ATP2B2: variants seen among roughly 807,000 people sequenced by gnomAD.
The protein encoded by ATP2B2 is ATPase plasma membrane Ca2+ transporting 2, also known as plasma membrane calcium-transporting ATPase 2.
Under a neutral mutation model 120.0 loss-of-function variants are expected in ATP2B2, and 15 were observed. The observed-to-expected ratio is 0.12, with a 90% CI of 0.08 to 0.19. ATP2B2 has a LOEUF of 0.19. Among genes scored for constraint, ATP2B2 ranks in the 10% least tolerant of loss-of-function variants. The probability of loss-of-function intolerance (pLI) is 1.00; values close to 1 mark genes in which losing one functional copy is unlikely to be tolerated. For missense variants in ATP2B2, 1,045 were observed against 1,719.8 expected (o/e 0.61, Z 6.94); for synonymous variants, 694 against 700.3 (o/e 0.99, Z 0.14).
intron 1 of ATP2B2, among the ~76,000 whole-genome samples, chr3:10,473,997 T>C (rs1442429491): frequency 6.6e-6 from 1 of 152,170 alleles, no homozygotes; most frequent in Non-Finnish European, 1.5e-5. Flanking sequence ...TGTCATGCAT[T>C]GGAGAATGGA....
At chr3:10,444,827 A>G (rs1270642760) in intron 2 of ATP2B2, among the ~76,000 whole-genome samples, 1 of 152,238 alleles carries the variant, frequency 6.6e-6, no homozygotes, top group Non-Finnish European at 1.5e-5. Context: ...TCTGTCCCCA[A>G]GCCTGCAGCC....
chr3:10,532,049 C>T (rs2067220857), intron 3 of ATP2B2, among the ~76,000 whole-genome samples: 2 of 151,748 alleles, frequency 1.3e-5, no homozygotes, highest in African/African-American at 4.8e-5. Flanking sequence ...TGCCCCTCAC[C>T]CCCCCATCCT....
intron 3 of ATP2B2, among the ~76,000 whole-genome samples, chr3:10,522,112 T>C (rs2066995721): frequency 6.6e-6 from 1 of 152,108 alleles, no homozygotes; most frequent in Non-Finnish European, 1.5e-5. Context: ...AATGTAAATT[T>C]TTATTTTTAA....
intron 22 of ATP2B2, chr3:10,336,126 C>A: frequency 1.3e-6 from 2 of 1,550,304 alleles, no homozygotes; most frequent in Non-Finnish European, 1.7e-6. Flanking sequence ...GAGTCACACT[C>A]ACGCCCGGCT....
Position 10,379,389 on chromosome 3 carries a change from G to A in ATP2B2, c.1001-105C>T, listed in dbSNP as rs947908865. 4.5e-5 allele frequency: 58 copies of A among 1,300,434 alleles called. 2 individuals are homozygous for A. Among genetic ancestry groups the A allele is most frequent in the South Asian group, 3.9e-4 (32 of 82,034 alleles). The allele number at this position is 1,300,434 out of a possible 1,614,324, so 80.6% of individuals were successfully genotyped here. On this transcript the variant is annotated intron_variant, in intron 8 of 22. Transcript: ENST00000360273. ...GACATTAATGTCACAGATGAAGGGC[G>A]GGCCGTGCTGACTGCATCCCTCTGT... is the stretch of plus-strand genomic sequence containing the variant.
In ATP2B2 at chr3:10,328,656, G is replaced by C. The variant is rs1197439261; in HGVS notation, c.*158C>G. 8.3e-6 allele frequency: 6 copies of C among 725,100 alleles called. No homozygotes were observed. Among genetic ancestry groups the C allele is most frequent in the Non-Finnish European group, 4.4e-6 (2 of 450,492 alleles). The allele number at this position is 725,100 out of a possible 1,614,324, so 44.9% of individuals were successfully genotyped here. A position where few individuals can be genotyped will look rare whatever the true frequency, so the allele number is the denominator to read the frequency against. ...CAAACAGCATCGCAGCCAGAGAAAG[G>C]GTCTGTGGGTGGAAACGTTGGTTTT... On this transcript the variant is annotated 3_prime_UTR_variant, in exon 23 of 23. Coordinates refer to ENST00000360273, the MANE Select transcript of ATP2B2 (RefSeq NM_001001331.4).
intron 2 of ATP2B2, among the ~76,000 whole-genome samples, chr3:10,420,478 C>T (rs368625435): frequency 9.2e-5 from 14 of 152,242 alleles, no homozygotes; most frequent in African/African-American, 2.4e-4. Context: ...TCTCCTGCCT[C>T]GGCCCCCCGA....
At chr3:10,442,301 A>G (rs1378287293) in intron 2 of ATP2B2, among the ~76,000 whole-genome samples, 1 of 152,132 alleles carries the variant, frequency 6.6e-6, no homozygotes, top group Admixed American at 6.5e-5. Context: ...GCCAAGCAGC[A>G]TCGCTCACGG....
chr3:10,625,548 G>A (rs546082596), intron 1 of ATP2B2, among the ~76,000 whole-genome samples: 12 of 152,344 alleles, frequency 7.9e-5, no homozygotes, highest in South Asian at 4.1e-4. Context: ...ACAGAATCCG[G>A]ATCATGGCTT....
At chr3:10,704,140 C>T (rs931577679) in intron 1 of ATP2B2, among the ~76,000 whole-genome samples, 4 of 152,194 alleles carry the variant, frequency 2.6e-5, no homozygotes, top group Non-Finnish European at 4.4e-5. Flanking sequence ...TTAGGAATCT[C>T]AAGTAAAATT....
chr3:10,698,312 G>A (rs2071769570), intron 1 of ATP2B2, among the ~76,000 whole-genome samples: 1 of 152,182 alleles, frequency 6.6e-6, no homozygotes, highest in Non-Finnish European at 1.5e-5. Flanking sequence ...CTCTGGACAG[G>A]GATAATGCCT....
intron 1 of ATP2B2, among the ~76,000 whole-genome samples, chr3:10,473,962 C>T (rs939756285): frequency 4.6e-5 from 7 of 152,220 alleles, no homozygotes; most frequent in Admixed American, 2.0e-4. Context: ...GATAGATTAA[C>T]GTACTTTTCC....
At chr3:10,339,557 C>T (rs543289521) in intron 21 of ATP2B2, among the ~76,000 whole-genome samples, 7 of 152,238 alleles carry the variant, frequency 4.6e-5, no homozygotes, top group East Asian at 1.9e-4. Flanking sequence ...CTTGGGCAAA[C>T]GTAGAAAAAC....
intron 12 of ATP2B2, among the ~76,000 whole-genome samples, chr3:10,361,587 C>G (rs2060901628): frequency 6.6e-6 from 1 of 152,246 alleles, no homozygotes; most frequent in Admixed American, 6.5e-5. Flanking sequence ...CCAGCTGCAT[C>G]TCCCCAGCAC....
At chr3:10,444,913 T>C (rs2063787221) in intron 2 of ATP2B2, among the ~76,000 whole-genome samples, 1 of 152,232 alleles carries the variant, frequency 6.6e-6, no homozygotes, top group Non-Finnish European at 1.5e-5. Flanking sequence ...TTTCCGTGAA[T>C]ATTTCTTGAG....
At chr3:10,431,042 G>A (rs750903314) in intron 2 of ATP2B2, among the ~76,000 whole-genome samples, 40 of 152,132 alleles carry the variant, frequency 2.6e-4, no homozygotes, top group South Asian at 8.3e-4. Context: ...TAAGTGGAGC[G>A]TGAAGATATG....
chr3:10,409,809 G>C (rs1479125669), intron 3 of ATP2B2, among the ~76,000 whole-genome samples: 1 of 152,150 alleles, frequency 6.6e-6, no homozygotes, highest in South Asian at 2.1e-4. Context: ...TAATTTGCTT[G>C]TCTGAAGGTG....
intron 1 of ATP2B2, among the ~76,000 whole-genome samples, chr3:10,620,824 C>A (rs1408329185): frequency 6.6e-6 from 1 of 152,172 alleles, no homozygotes; most frequent in African/African-American, 2.4e-5. Flanking sequence ...ATTGGTGCAG[C>A]CCCTACCAGC....
chr3:10,481,151 A>G (rs886405771), intron 1 of ATP2B2, among the ~76,000 whole-genome samples: 1 of 152,244 alleles, frequency 6.6e-6, no homozygotes, highest in Non-Finnish European at 1.5e-5. Flanking sequence ...TTTGAGCACT[A>G]GGATCCAGCC....
Sources: gnomAD v4.1 joint callset for allele counts (sites outside exome capture counted in the v4.1 genomes callset) on GRCh38, gnomAD v4.1.1 for gene constraint, MANE v1.5 for transcripts, NCBI Gene and HGNC (gene_info 2026-07-23, HGNC 2026-07-21) for gene names.